Variants in SERPINA12 observed in about 807,000 individuals in gnomAD.
The protein encoded by SERPINA12 is serpin family A member 12.
SERPINA12 carries 21 observed loss-of-function variants against 25.9 expected under a neutral mutation model. That is an observed-to-expected ratio of 0.81 (90% CI 0.58 to 1.17). The LOEUF (loss-of-function observed/expected upper bound fraction) is 1.17, where lower values mean the gene tolerates loss of function less well. Among genes scored for constraint, SERPINA12 ranks in the 50% most tolerant of loss-of-function variants. The pLI is 0.00. For synonymous variants in SERPINA12, 220 were observed against 196.0 expected (o/e 1.12, Z -1.02); for missense variants, 562 against 508.3 (o/e 1.11, Z -1.02).
chr14:94,496,500 G>A lies in SERPINA12; in HGVS notation c.778C>T (p.Leu260=). 6.2e-7 allele frequency: 1 copy of A among 1,614,120 alleles called. No individual in the cohort carries two copies. Among genetic ancestry groups the A allele is most frequent in the Non-Finnish European group, 8.5e-7 (1 of 1,180,012 alleles). Residue 260 remains leucine, a synonymous_variant, in exon 3 of 5, where the codon CTG becomes TTG. Coordinates refer to ENST00000677451, the MANE Select transcript of SERPINA12 (RefSeq NM_001382267.1). ...ATATTTTTCTGGTAGGGTATTTCCA[G>A]GATGGTGCAAGAGAGCTTATCGTCA... The part of the protein sequence containing the change: ...GYDDKLSCTI[L]EIPYQKNITA...
intron 3 of SERPINA12, among the ~76,000 whole-genome samples, chr14:94,490,650 C>G (rs926562188): frequency 3.9e-5 from 6 of 152,030 alleles, no homozygotes; most frequent in African/African-American, 1.4e-4. Flanking sequence ...CAGCTTCCAG[C>G]TCATTTCTTT....
chr14:94,506,198 G>T (rs1184676389), intron 1 of SERPINA12, among the ~76,000 whole-genome samples: 1 of 152,158 alleles, frequency 6.6e-6, no homozygotes, highest in African/African-American at 2.4e-5. Context: ...GCTGAGGGGT[G>T]GCCTGAATAT....
intron 3 of SERPINA12, among the ~76,000 whole-genome samples, chr14:94,490,464 G>T (rs149947279): frequency 1.4e-3 from 206 of 152,000 alleles, no homozygotes; most frequent in Non-Finnish European, 2.2e-3. Context: ...ACCTGGCCTT[G>T]CACCCTATTT....
chr14:94,515,412 A>G (rs1901208306), intron 2 of SERPINA12, among the ~76,000 whole-genome samples: 1 of 152,088 alleles, frequency 6.6e-6, no homozygotes, highest in Non-Finnish European at 1.5e-5. Context: ...CACCTGTGTC[A>G]TCCCCTCCCC....
rs755626806 is a variant in SERPINA12, at chr14:94,507,696, C to G, written c.-34+1646G>C. Reference sequence around the variant, plus strand: ...GCTCAGATTAAAAGGACCAGCCACACGAGGACGTGGAGCAAGTGGAACTCT... The same window carrying G: ...GCTCAGATTAAAAGGACCAGCCACAGGAGGACGTGGAGCAAGTGGAACTCT... On this transcript the variant is annotated intron_variant, in intron 1 of 4. Coordinates refer to ENST00000677451, the MANE Select transcript of SERPINA12 (RefSeq NM_001382267.1). 2.0e-4 allele frequency among the ~76,000 whole-genome samples: 31 copies of G among 152,306 alleles called. 1 individual carries two copies. Among genetic ancestry groups the G allele is most frequent in the Middle Eastern group, 6.8e-3 (2 of 294 alleles).
intron 1 of SERPINA12, among the ~76,000 whole-genome samples, chr14:94,517,109 C>T (rs1168680793): frequency 1.3e-5 from 2 of 152,238 alleles, no homozygotes; most frequent in Non-Finnish European, 2.9e-5. Flanking sequence ...CCAAGGACCA[C>T]ACGTAGTTCC....
At chr14:94,505,597 C>T (rs765642147) in intron 1 of SERPINA12, among the ~76,000 whole-genome samples, 1 of 152,298 alleles carries the variant, frequency 6.6e-6, no homozygotes, top group East Asian at 1.9e-4. Flanking sequence ...GGTGGAAGAT[C>T]AGAGCCAGTG....
chr14:94,489,234 A>AAGAAAGAGAGAG (rs1194608690), intron 4 of SERPINA12, among the ~76,000 whole-genome samples: 5 of 151,804 alleles, frequency 3.3e-5, no homozygotes, highest in Non-Finnish European at 5.9e-5. Flanking sequence ...AGAAAGAGGA[A>AAGAAAGAGAGAG]AGAAAGAGAG....
At chr14:94,492,660 T>C (rs1306056358) in intron 3 of SERPINA12, among the ~76,000 whole-genome samples, 1 of 152,236 alleles carries the variant, frequency 6.6e-6, no homozygotes, top group Non-Finnish European at 1.5e-5. Flanking sequence ...GTCCAGTGCG[T>C]AAATGAGGAG....
At chr14:94,514,849 G>T (rs1238494910) in intron 2 of SERPINA12, among the ~76,000 whole-genome samples, 1 of 152,190 alleles carries the variant, frequency 6.6e-6, no homozygotes. Flanking sequence ...GCAGGGGAGA[G>T]TGTGGAGGTG....
At chr14:94,509,697 T>A (rs1340741100), upstream of SERPINA12, among the ~76,000 whole-genome samples, 1 of 152,210 alleles carries the variant, frequency 6.6e-6, no homozygotes, top group Non-Finnish European at 1.5e-5. Context: ...CAAGGGGCAC[T>A]GTGCTAGGTA....
At chr14:94,514,657 G>A (rs1386478990) in intron 2 of SERPINA12, among the ~76,000 whole-genome samples, 2 of 152,242 alleles carry the variant, frequency 1.3e-5, no homozygotes, top group African/African-American at 4.8e-5. Context: ...CTCTGAGCCA[G>A]TGGGTCTATT....
At chr14:94,502,164 G>A (rs1487673832) in intron 1 of SERPINA12, among the ~76,000 whole-genome samples, 1 of 151,902 alleles carries the variant, frequency 6.6e-6, no homozygotes, top group Non-Finnish European at 1.5e-5. Flanking sequence ...GTACACATGG[G>A]ACACATGAAG....
intron 1 of SERPINA12, among the ~76,000 whole-genome samples, chr14:94,502,488 C>T (rs897831420): frequency 6.6e-6 from 1 of 152,144 alleles, no homozygotes; most frequent in Non-Finnish European, 1.5e-5. Flanking sequence ...TTTTACAAAG[C>T]GCTTCCCCCG....
chr14:94,493,369 A>G (rs1001601816), intron 3 of SERPINA12, among the ~76,000 whole-genome samples: 9 of 152,248 alleles, frequency 5.9e-5, no homozygotes, highest in African/African-American at 2.2e-4. Flanking sequence ...TTCCAAGGCC[A>G]GAAGTGACTG....
At chr14:94,500,747 A>T in intron 1 of SERPINA12, 1 of 530,094 alleles carries the variant, frequency 1.9e-6, no homozygotes, top group Non-Finnish European at 2.4e-6. Context: ...AAGGGCTCTT[A>T]AGAGAAACCG....
At chr14:94,516,570 C>T (rs974002866) in intron 1 of SERPINA12, among the ~76,000 whole-genome samples, 1 of 152,170 alleles carries the variant, frequency 6.6e-6, no homozygotes, top group African/African-American at 2.4e-5. Context: ...TCAGAGTGTT[C>T]CTGCTTAACT....
intron 1 of SERPINA12, among the ~76,000 whole-genome samples, chr14:94,501,598 G>A (rs1900723875): frequency 6.6e-6 from 1 of 151,740 alleles, no homozygotes; most frequent in African/African-American, 2.4e-5. Context: ...ATGAGGGGGA[G>A]GTGGTGATAA....
At chr14:94,506,801 C>T (rs1006874107) in intron 1 of SERPINA12, among the ~76,000 whole-genome samples, 4 of 152,224 alleles carry the variant, frequency 2.6e-5, no homozygotes, top group East Asian at 1.9e-4. Context: ...AAGAACTTCT[C>T]TCCAGGGGAT....
Sources: allele counts gnomAD v4.1 joint callset (sites outside exome capture counted in the v4.1 genomes callset), GRCh38; gene constraint gnomAD v4.1.1; transcripts MANE v1.5; gene names NCBI Gene and HGNC (gene_info 2026-07-23, HGNC 2026-07-21).